NAALADL2: variants seen among roughly 807,000 people sequenced by gnomAD.
NAALADL2 encodes N-acetylated alpha-linked acidic dipeptidase like 2, also known as inactive N-acetylated-alpha-linked acidic dipeptidase-like protein 2.
A neutral mutation model predicts 87.2 loss-of-function variants in NAALADL2; 76 were observed. That is an observed-to-expected ratio of 0.87 (90% CI 0.72 to 1.05). The LOEUF (loss-of-function observed/expected upper bound fraction) is 1.05. Ranked by LOEUF, NAALADL2 falls within the 50% of genes least tolerant of loss-of-function variation. The pLI is 0.00. For synonymous variants in NAALADL2, 354 were observed against 331.0 expected (o/e 1.07, Z -0.75); for missense variants, 1,089 against 945.8 (o/e 1.15, Z -1.99).
At chr3:175,791,348 G>A (rs1382711759) in intron 13 of NAALADL2, among the ~76,000 whole-genome samples, 1 of 152,158 alleles carries the variant, frequency 6.6e-6, no homozygotes, top group African/African-American at 2.4e-5. Flanking sequence ...TTAGCTGGAA[G>A]CAGGGCATAT....
chr3:175,361,702 T>G lies in NAALADL2; in HGVS notation c.1090+37377T>G, dbSNP rs189177911. On this transcript the variant is annotated intron_variant, in intron 5 of 13. Coordinates refer to ENST00000454872, the MANE Select transcript of NAALADL2 (RefSeq NM_207015.3). ...GTCTGTTCATATCCTTCGCCCACTT[T>G]TTGATGGGGTTGTTTGATTTTTTCT... Among the ~76,000 whole-genome samples the G allele has an allele frequency of 2.7e-5, 4 of 148,428 alleles. No homozygotes were observed. The Admixed American group carries it at 2.7e-4, about 10-fold the overall frequency.
intron 2 of NAALADL2, among the ~76,000 whole-genome samples, chr3:174,644,864 T>C (rs1398169633): frequency 6.6e-6 from 1 of 152,220 alleles, no homozygotes; most frequent in East Asian, 1.9e-4. Context: ...TGAAAGTACC[T>C]CTTGGTTTAA....
intron 2 of NAALADL2, among the ~76,000 whole-genome samples, chr3:174,676,251 C>G (rs949585725): frequency 1.3e-5 from 2 of 151,924 alleles, no homozygotes; most frequent in Non-Finnish European, 2.9e-5. Flanking sequence ...ATATTTAAAA[C>G]AGGAAGTATA....
chr3:174,792,131 G>A (rs1006378811), intron 3 of NAALADL2, among the ~76,000 whole-genome samples: 9 of 152,138 alleles, frequency 5.9e-5, no homozygotes, highest in African/African-American at 2.2e-4. Flanking sequence ...TGAGGTGGGA[G>A]AATGGTTTGA....
chr3:174,988,542 A>G (rs989208321), intron 1 of NAALADL2, among the ~76,000 whole-genome samples: 5 of 152,194 alleles, frequency 3.3e-5, no homozygotes, highest in African/African-American at 9.6e-5. Context: ...CTTAAACAAC[A>G]TAAATTTATT....
intron 1 of NAALADL2, among the ~76,000 whole-genome samples, chr3:175,080,325 ATAACT>A (rs1717552807): frequency 6.6e-6 from 1 of 152,240 alleles, no homozygotes; most frequent in Admixed American, 6.5e-5. Flanking sequence ...CTTAGTTAAC[ATAACT>A]TATTTCTGCT....
chr3:174,888,781 AT>A (rs1344886796), intron 1 of NAALADL2, among the ~76,000 whole-genome samples: 3 of 152,234 alleles, frequency 2.0e-5, no homozygotes, highest in African/African-American at 7.2e-5. Context: ...AAAATACTGT[AT>A]TATTATGGTG....
intron 1 of NAALADL2, among the ~76,000 whole-genome samples, chr3:174,891,797 A>G (rs1198374109): frequency 2.0e-5 from 3 of 152,144 alleles, no homozygotes; most frequent in Non-Finnish European, 4.4e-5. Flanking sequence ...GGGGAAATAC[A>G]TGACATACTG....
At chr3:175,584,199 A>G (rs1560799999) in intron 10 of NAALADL2, among the ~76,000 whole-genome samples, 2 of 151,922 alleles carry the variant, frequency 1.3e-5, no homozygotes, top group Non-Finnish European at 2.9e-5. Context: ...CACCATGCCC[A>G]GCTGATTTTT....
intron 1 of NAALADL2, among the ~76,000 whole-genome samples, chr3:174,987,796 A>T (rs1452948738): frequency 2.3e-5 from 3 of 131,834 alleles, no homozygotes; most frequent in African/African-American, 3.5e-5. Context: ...CTGGTTAATT[A>T]TATATATATA....
At chr3:175,287,545 G>A (rs1344776370) in intron 4 of NAALADL2, among the ~76,000 whole-genome samples, 7 of 152,148 alleles carry the variant, frequency 4.6e-5, no homozygotes, top group Non-Finnish European at 1.5e-5. Flanking sequence ...ACTTGCCCAG[G>A]TTACACAGAT....
intron 10 of NAALADL2, among the ~76,000 whole-genome samples, chr3:175,583,027 A>G (rs571985047): frequency 1.3e-5 from 2 of 152,052 alleles, no homozygotes; most frequent in Non-Finnish European, 2.9e-5. Flanking sequence ...AGCCCAATAA[A>G]CCCACCATAT....
At chr3:174,892,194 C>G (rs1730937195) in intron 1 of NAALADL2, among the ~76,000 whole-genome samples, 1 of 152,090 alleles carries the variant, frequency 6.6e-6, no homozygotes, top group South Asian at 2.1e-4. Context: ...TTAACATCAT[C>G]CATGAAACAT....
chr3:175,060,485 A>T (rs934322104), intron 1 of NAALADL2, among the ~76,000 whole-genome samples: 1 of 152,198 alleles, frequency 6.6e-6, no homozygotes. Context: ...TGTTTTAAAT[A>T]TTTTCAATTA....
chr3:175,077,078 GA>G (rs372684561), intron 1 of NAALADL2, among the ~76,000 whole-genome samples: 1 of 151,916 alleles, frequency 6.6e-6, no homozygotes, highest in Non-Finnish European at 1.5e-5. Context: ...GTGTTCAATA[GA>G]AAAAAAATGT....
intron 1 of NAALADL2, among the ~76,000 whole-genome samples, chr3:175,030,933 G>A (rs1444341302): frequency 6.6e-6 from 1 of 151,814 alleles, no homozygotes; most frequent in South Asian, 2.1e-4. Context: ...TTAAAAAAAT[G>A]TAAGGTTTGT....
intron 10 of NAALADL2, among the ~76,000 whole-genome samples, chr3:175,610,167 A>T (rs528355998): frequency 2.6e-5 from 4 of 152,164 alleles, no homozygotes; most frequent in Non-Finnish European, 4.4e-5. Flanking sequence ...ATCTCATTTA[A>T]ATACAAGTAG....
In NAALADL2 at chr3:175,225,596, A is replaced by C. The variant is rs566461264; in HGVS notation, c.546-8335A>C. On this transcript the variant is annotated intron_variant, in intron 2 of 13. Coordinates refer to ENST00000454872, the MANE Select transcript of NAALADL2 (RefSeq NM_207015.3). ...TGGTAAAGTAAATATGCTTATTTTG[A>C]AGTGTGATAAAGGCTAGTCATTTCT... Among the ~76,000 whole-genome samples the C allele has an allele frequency of 2.6e-5, 4 of 152,238 alleles. No homozygotes were observed. In the South Asian group the frequency reaches 8.3e-4, roughly 32 times the overall value.
intron 1 of NAALADL2, among the ~76,000 whole-genome samples, chr3:174,889,805 A>T (rs1419091303): frequency 1.3e-5 from 2 of 152,180 alleles, no homozygotes; most frequent in Non-Finnish European, 2.9e-5. Context: ...TAAGATCAAC[A>T]TTCATGTGAT....
Sources: gnomAD v4.1 joint callset for allele counts (sites outside exome capture counted in the v4.1 genomes callset) on GRCh38, gnomAD v4.1.1 for gene constraint, MANE v1.5 for transcripts, NCBI Gene and HGNC (gene_info 2026-07-23, HGNC 2026-07-21) for gene names.